The following CADPS2 variants were observed in gnomAD, a reference collection of about 807,000 sequenced individuals.
The protein encoded by CADPS2 is calcium dependent secretion activator 2, also known as calcium-dependent secretion activator 2.
CADPS2 carries 93 observed loss-of-function variants against 172.5 expected under a neutral mutation model. That is an observed-to-expected ratio of 0.54 (90% confidence interval 0.46 to 0.64). The LOEUF is 0.64. Among genes scored for constraint, CADPS2 ranks in the 30% least tolerant of loss-of-function variants. CADPS2 has a pLI of 0.00. For synonymous variants in CADPS2, 546 were observed against 555.2 expected, an observed-to-expected ratio of 0.98 and a Z score of 0.23; for missense variants, 1,420 against 1,565.9, an observed-to-expected ratio of 0.91 and a Z score of 1.57.
intron 24 of CADPS2, among the ~76,000 whole-genome samples, chr7:122,380,789 T>A (rs968468194): frequency 6.6e-6 from 1 of 152,110 alleles, no homozygotes; most frequent in African/African-American, 2.4e-5. Context: ...CTAAAGCATG[T>A]CTGTCTCACT....
chr7:122,451,845 A>T (rs2152042086), intron 14 of CADPS2, among the ~76,000 whole-genome samples: 1 of 152,336 alleles, frequency 6.6e-6, no homozygotes, highest in East Asian at 1.9e-4. Flanking sequence ...TAATGAACGT[A>T]AGGTAAAATG....
At chr7:122,513,209 C>T in intron 9 of CADPS2, 40 bp downstream of exon 9, 1 of 1,371,562 alleles carries the variant, frequency 7.3e-7, no homozygotes, top group Non-Finnish European at 1.0e-6. Flanking sequence ...TTGAGAACTG[C>T]TATCTTAGAG....
At chr7:122,802,562 C>G (rs1797887663) in intron 1 of CADPS2, among the ~76,000 whole-genome samples, 1 of 152,182 alleles carries the variant, frequency 6.6e-6, no homozygotes, top group African/African-American at 2.4e-5. Flanking sequence ...GTGACCATCT[C>G]ATCTATGAGA....
intron 7 of CADPS2, 32 bp from the exon 8 acceptor site, chr7:122,554,721 C>T (rs767948328): frequency 1.1e-5 from 17 of 1,558,052 alleles, no homozygotes; most frequent in South Asian, 9.6e-5. Context: ...CATTTAAACG[C>T]ATGATACGGA....
intron 7 of CADPS2, among the ~76,000 whole-genome samples, chr7:122,579,213 A>T (rs1335262354): frequency 6.6e-6 from 1 of 151,938 alleles, no homozygotes; most frequent in African/African-American, 2.4e-5. Flanking sequence ...TTGATTTTGC[A>T]CTACCCTCCA....
chr7:122,413,969 T>C (rs1398645152), intron 19 of CADPS2, 99 bp downstream of exon 19: 8 of 1,010,750 alleles, frequency 7.9e-6, no homozygotes, highest in Middle Eastern at 2.4e-4. Flanking sequence ...AAAGGACTAA[T>C]TGGCTTTAAA....
At position 122,526,179 on chromosome 7, in the gene CADPS2, C is replaced by CTTAT. The variant is rs3069351; in HGVS notation, c.1476-12868_1476-12865dup. 9.2e-3 allele frequency among the ~76,000 whole-genome samples: 1,374 copies of CTTAT among 149,844 alleles called. 8 individuals are homozygous for CTTAT. Among genetic ancestry groups the CTTAT allele is most frequent in the East Asian group, 0.019 (98 of 5,036 alleles). ...CACTGTGTTGATATCCTTTGATACA[C>CTTAT]TTATTTATTTATTTATTTATTTATT... On this transcript the variant is annotated intron_variant, in intron 8 of 29. Coordinates refer to ENST00000449022, the MANE Select transcript of CADPS2 (RefSeq NM_017954.11).
chr7:122,413,977 A>T, intron 19 of CADPS2, 91 bp downstream of exon 19: 3 of 1,145,656 alleles, frequency 2.6e-6, no homozygotes, highest in Non-Finnish European at 3.8e-6. Flanking sequence ...AATTGGCTTT[A>T]AAATGGACTA....
intron 3 of CADPS2, 105 bp downstream of exon 3, chr7:122,663,132 G>A (rs763308694): frequency 9.3e-6 from 8 of 858,430 alleles, no homozygotes; most frequent in Non-Finnish European, 1.4e-5. Flanking sequence ...AACTTTCCAA[G>A]TAAAGTGATT....
intron 22 of CADPS2, among the ~76,000 whole-genome samples, chr7:122,391,812 T>C (rs2044394895): frequency 6.6e-6 from 1 of 152,092 alleles, no homozygotes; most frequent in South Asian, 2.1e-4. Context: ...GGTGGTGGGA[T>C]AGGTAGAAAA....
In CADPS2 at chr7:122,635,283, AATT is replaced by A. The variant is rs201305195; in HGVS notation, c.787-5958_787-5956del. On this transcript the variant is annotated intron_variant, in intron 3 of 29. Transcript: ENST00000449022. Reference sequence around the variant, plus strand: ...TAATGTGTGGCTAATTTTTTTTTTTAATTATTATTATTATACTTTAAGTTTTAG... The same window carrying A: ...TAATGTGTGGCTAATTTTTTTTTTTAATTATTATTATACTTTAAGTTTTAG... Among the ~76,000 whole-genome samples, 562 of 150,226 alleles carry A rather than the reference AATT, an allele frequency of 3.7e-3. 3 individuals carry two copies. The highest frequency in any genetic ancestry group is 9.8e-3 in the African/African-American group (399 of 40,900).
chr7:122,547,517 T>A (rs1301381255), intron 8 of CADPS2, among the ~76,000 whole-genome samples: 3 of 152,288 alleles, frequency 2.0e-5, no homozygotes, highest in African/African-American at 4.8e-5. Flanking sequence ...CTAAAAAAAA[T>A]TCATCAATTC....
At chr7:122,491,511 T>G in intron 9 of CADPS2, 91 bp from the exon 10 acceptor site, 1 of 601,048 alleles carries the variant, frequency 1.7e-6, no homozygotes, top group South Asian at 2.7e-5. Context: ...TTTTCCCAAT[T>G]AAAAATATAA....
chr7:122,664,644 C>T (rs528204321), intron 2 of CADPS2, among the ~76,000 whole-genome samples: 1 of 152,120 alleles, frequency 6.6e-6, no homozygotes, highest in Non-Finnish European at 1.5e-5. Context: ...CCTCCATAAG[C>T]CATATAAGAC....
chr7:122,855,471 C>T (rs1219701637), intron 1 of CADPS2, among the ~76,000 whole-genome samples: 1 of 152,016 alleles, frequency 6.6e-6, no homozygotes, highest in Non-Finnish European at 1.5e-5. Flanking sequence ...ATAAGCACAC[C>T]CAAGAAAATT....
intron 8 of CADPS2, among the ~76,000 whole-genome samples, chr7:122,541,805 A>ATTTATATATTCATATG (rs58250195): frequency 5.3e-5 from 6 of 113,354 alleles, no homozygotes; most frequent in African/African-American, 9.2e-5. Flanking sequence ...ATTCATATAT[A>ATTTATATATTCATATG]TTTATATATT....
intron 2 of CADPS2, among the ~76,000 whole-genome samples, chr7:122,714,298 A>G (rs1254335180): frequency 6.6e-6 from 1 of 152,108 alleles, no homozygotes; most frequent in Non-Finnish European, 1.5e-5. Flanking sequence ...TGTAAGTAGC[A>G]GTCTATACCT....
chr7:122,429,658 C>T (rs1383848473), intron 17 of CADPS2, among the ~76,000 whole-genome samples: 1 of 151,996 alleles, frequency 6.6e-6, no homozygotes, highest in Non-Finnish European at 1.5e-5. Context: ...GTTTAAGATA[C>T]AAATTACTTT....
intron 8 of CADPS2, among the ~76,000 whole-genome samples, chr7:122,518,004 T>A (rs1318877490): frequency 3.3e-5 from 5 of 152,114 alleles, no homozygotes; most frequent in South Asian, 2.1e-4. Flanking sequence ...TGTTATGATT[T>A]TTTTTATGGT....
Sources: allele counts gnomAD v4.1 joint callset (sites outside exome capture counted in the v4.1 genomes callset), GRCh38; gene constraint gnomAD v4.1.1; transcripts MANE v1.5; gene names NCBI Gene and HGNC (gene_info 2026-07-23, HGNC 2026-07-21).